FGF8: variants seen among roughly 807,000 people sequenced by gnomAD.
FGF8 encodes the protein fibroblast growth factor 8, also known as androgen-induced growth factor.
A neutral mutation model predicts 29.7 loss-of-function variants in FGF8; 12 were observed. The ratio of observed to expected loss-of-function variants is 0.40; its 90% CI spans 0.26 to 0.65. FGF8 has a LOEUF of 0.65. Among genes scored for constraint, FGF8 ranks in the 30% least tolerant of loss-of-function variants. The pLI, the probability that FGF8 is intolerant of heterozygous loss-of-function variation, is 0.37. For missense variants in FGF8, 271 were observed against 345.1 expected, an observed-to-expected ratio of 0.79 and a Z score of 1.70; for synonymous variants, 157 against 144.4, an observed-to-expected ratio of 1.09 and a Z score of -0.63.
chr10:101,774,838 G>A lies in FGF8; in HGVS notation c.231C>T (p.Arg77=), dbSNP rs1253593362. The A allele has an allele frequency of 6.2e-7, 1 of 1,613,892 alleles. No homozygotes were observed. Among genetic ancestry groups the A allele is most frequent in the Non-Finnish European group, 8.5e-7 (1 of 1,180,036 alleles). The change falls in exon 4 of 6, where the codon CGC becomes CGT. Residue 77 remains arginine (R), a synonymous_variant. Coordinates refer to ENST00000320185, the MANE Select transcript of FGF8 (RefSeq NM_033163.5). ...AGAGTTGGTAGGTCCGGATGAGGCGGCGGCTGAGCTGATCCGTCACCAGGC... is the reference window on the plus strand; with the variant it reads ...AGAGTTGGTAGGTCCGGATGAGGCGACGGCTGAGCTGATCCGTCACCAGGC... ...EQSLVTDQLS[R]RLIRTYQLYS...
At position 101,772,377 on chromosome 10, in the gene FGF8, G is replaced by A. The variant is rs1246732813; in HGVS notation, c.338-808C>T. ...TGACCAAATAGCTTCTGTGGGTGAG[G>A]AGGAGGGAGAATCCTGCCTGCTGGC... On this transcript the variant is annotated intron_variant, in intron 4 of 5. Coordinates refer to ENST00000320185, the MANE Select transcript of FGF8 (RefSeq NM_033163.5). The surrounding 1 kb of genome is among the most constrained non-coding windows in gnomAD (Gnocchi z 4.4). 2.0e-5 allele frequency among the ~76,000 whole-genome samples: 3 copies of A among 152,218 alleles called. No individual in the cohort carries two copies. The highest frequency in any genetic ancestry group is 7.2e-5 in the African/African-American group (3 of 41,468).
In FGF8 at chr10:101,771,672, CA is replaced by C; in HGVS notation, c.338-104del. 4.6e-6 allele frequency: 4 copies of C among 873,608 alleles called. No individual in the cohort carries two copies. Among genetic ancestry groups the C allele is most frequent in the Non-Finnish European group, 7.6e-6 (4 of 527,530 alleles). The allele number at this position is 873,608 out of a possible 1,614,324, so 54.1% of individuals were successfully genotyped here. A position where few individuals can be genotyped will look rare whatever the true frequency, so the allele number is the denominator to read the frequency against. The stretch of plus-strand genomic sequence containing the variant: ...GCAACTGCTCCAAAGACCAGGAACC[CA>C]AAACATGGACTCCAGCTCCAGCCCA... On this transcript the variant is annotated intron_variant, in intron 4 of 5. Coordinates refer to ENST00000320185, the MANE Select transcript of FGF8 (RefSeq NM_033163.5). This position sits in a 1 kb window ranked among gnomAD's most constrained non-coding sequence, Gnocchi z 5.3.
In FGF8 at chr10:101,774,725, G is replaced by A. The variant is rs773498310; in HGVS notation, c.337+7C>T. On this transcript the variant is annotated splice_region_variant and intron_variant, in intron 4 of 5. Coordinates refer to ENST00000320185, the MANE Select transcript of FGF8 (RefSeq NM_033163.5). ...GCATCCCACAAGCTACCTTCAGCGC[G>A]CCTTACCGAAGGGGTCGCCGTCCTC... 16 of 1,601,766 alleles carry A rather than the reference G, an allele frequency of 1.0e-5. No individual in the cohort carries two copies. Among genetic ancestry groups the A allele is most frequent in the Middle Eastern group, 2.2e-4 (1 of 4,538 alleles).
chr10:101,771,249 T>C lies in FGF8; in HGVS notation c.444+214A>G, dbSNP rs2134991222. Among the ~76,000 whole-genome samples, 1 of 152,250 alleles carries C rather than the reference T, an allele frequency of 6.6e-6. No homozygotes were observed. Among genetic ancestry groups the C allele is most frequent in the Non-Finnish European group, 1.5e-5 (1 of 68,012 alleles). On this transcript the variant is annotated intron_variant, in intron 5 of 5. Transcript: ENST00000320185. This position sits in a 1 kb window ranked among gnomAD's most constrained non-coding sequence, Gnocchi z 5.3. ...CCACCCCCCAGCCCCTTCCCTAGCC[T>C]TCATTCTTCCTCCTTCGCCTTTTAT...
At chr10:101,777,466 C>G (rs117069412), upstream of FGF8, among the ~76,000 whole-genome samples, 129 of 152,352 alleles carry the variant, frequency 8.5e-4, 1 homozygote, top group East Asian at 0.024. Flanking sequence ...GGCCCTGCCT[C>G]CCTCCCTGCT....
upstream of FGF8, among the ~76,000 whole-genome samples, chr10:101,778,677 A>G (rs546454027): frequency 1.3e-5 from 2 of 152,266 alleles, no homozygotes; most frequent in South Asian, 4.1e-4. Flanking sequence ...CATCTCCCCA[A>G]AAGTCCGTTT....
chr10:101,775,929 C>G lies in FGF8; in HGVS notation c.-29G>C. On this transcript the variant is annotated 5_prime_UTR_variant, in exon 1 of 6. Transcript: ENST00000320185. This position sits in a 1 kb window ranked among gnomAD's most constrained non-coding sequence, Gnocchi z 4.6. ...GCGCGGCCCCGGGGCACCGAGAGCCCGGCGGGTCACGCCGTCCCGCGGGCC... is the reference window on the plus strand; with the variant it reads ...GCGCGGCCCCGGGGCACCGAGAGCCGGGCGGGTCACGCCGTCCCGCGGGCC... The G allele has an allele frequency of 2.5e-6, 3 of 1,207,944 alleles. No homozygotes were observed. Among genetic ancestry groups the G allele is most frequent in the Non-Finnish European group, 3.1e-6 (3 of 976,176 alleles). The allele number at this position is 1,207,944 out of a possible 1,614,324, so 74.8% of individuals were successfully genotyped here.
intron 4 of FGF8, among the ~76,000 whole-genome samples, chr10:101,774,268 T>C (rs1176892813): frequency 3.3e-5 from 5 of 152,178 alleles, no homozygotes; most frequent in African/African-American, 1.2e-4. Flanking sequence ...CCAAGCCCAG[T>C]TTCCACGTGT....
intron 4 of FGF8, among the ~76,000 whole-genome samples, chr10:101,773,354 G>A (rs1261069883): frequency 1.3e-5 from 2 of 152,224 alleles, no homozygotes; most frequent in South Asian, 4.1e-4. Flanking sequence ...CTTAGAAGCT[G>A]AGAAGGGCAG....
chr10:101,774,683 G>A lies in FGF8; in HGVS notation c.337+49C>T, dbSNP rs368840422. On this transcript the variant is annotated intron_variant, in intron 4 of 5. Coordinates refer to ENST00000320185, the MANE Select transcript of FGF8 (RefSeq NM_033163.5). ...GCCCCCGGCCAGTGCAGTTGGGACTGGTGGTCCAGGCGCCGCGCATCCCAC... is the reference window on the plus strand; with the variant it reads ...GCCCCCGGCCAGTGCAGTTGGGACTAGTGGTCCAGGCGCCGCGCATCCCAC... 3.3e-6 allele frequency: 5 copies of A among 1,527,118 alleles called. 1 individual carries two copies. The highest frequency in any genetic ancestry group is 1.4e-5 in the African/African-American group (1 of 73,526). The allele number at this position is 1,527,118 out of a possible 1,614,324, so 94.6% of individuals were successfully genotyped here.
Position 101,772,996 on chromosome 10 carries a change from G to A in FGF8, c.338-1427C>T, listed in dbSNP as rs1427738897. Among the ~76,000 whole-genome samples the A allele has an allele frequency of 1.3e-5, 2 of 152,178 alleles. No homozygotes were observed. Among genetic ancestry groups the A allele is most frequent in the South Asian group, 2.1e-4 (1 of 4,832 alleles). On this transcript the variant is annotated intron_variant, in intron 4 of 5. Coordinates refer to ENST00000320185, the MANE Select transcript of FGF8 (RefSeq NM_033163.5). The surrounding 1 kb of genome is among the most constrained non-coding windows in gnomAD (Gnocchi z 4.4). ...GCCACTCTGGGGATTCTGGCCAGATGCGGCAGGCAGGGATGAAGTAGGTGC... is the reference window on the plus strand; with the variant it reads ...GCCACTCTGGGGATTCTGGCCAGATACGGCAGGCAGGGATGAAGTAGGTGC...
chr10:101,771,697 C>A lies in FGF8; in HGVS notation c.338-128G>T. 1 of 746,576 alleles carries A rather than the reference C, an allele frequency of 1.3e-6. No homozygotes were observed. The highest frequency in any genetic ancestry group is 1.5e-5 in the South Asian group (1 of 68,478). The allele number at this position is 746,576 out of a possible 1,614,324, so 46.2% of individuals were successfully genotyped here. ...CAAAACATGGACTCCAGCTCCAGCCCAGCTACTAACATGCTGTGCAACCCA... is the reference window on the plus strand; with the variant it reads ...CAAAACATGGACTCCAGCTCCAGCCAAGCTACTAACATGCTGTGCAACCCA... On this transcript the variant is annotated intron_variant, in intron 4 of 5. Transcript: ENST00000320185. The surrounding 1 kb of genome is among the most constrained non-coding windows in gnomAD (Gnocchi z 5.3).
Position 101,770,338 on chromosome 10 carries a change from C to A in FGF8, c.726G>T (p.Glu242Asp). The change falls in exon 6 of 6, where the codon GAG becomes GAT. Residue 242 changes from glutamate to aspartate, a missense_variant. Around this residue, in one of 3 missense-constraint regions of FGF8, gnomAD observed 62 missense variants for 58.1 expected, o/e 1.07. Coordinates refer to ENST00000320185, the MANE Select transcript of FGF8 (RefSeq NM_033163.5). ...LRGSQRTWAP[E>D]PR ...GAGGGCCAGGCAGCACCTATCGGGG[C>A]TCGGGGGCCCAAGTCCTCTGGCTGC... The A allele has an allele frequency of 6.3e-7, 1 of 1,594,670 alleles. No homozygotes were observed. The highest frequency in any genetic ancestry group is 1.8e-5 in the Admixed American group (1 of 56,842).
chr10:101,779,220 C>G (rs1447129922), upstream of FGF8, among the ~76,000 whole-genome samples: 1 of 152,238 alleles, frequency 6.6e-6, no homozygotes, highest in Non-Finnish European at 1.5e-5. This position sits in a 1 kb window ranked among gnomAD's most constrained non-coding sequence, Gnocchi z 5.7. Context: ...GCGCTTCCTG[C>G]GCCGGGCGTT....
chr10:101,778,338 C>T (rs2065114407), upstream of FGF8, among the ~76,000 whole-genome samples: 1 of 152,190 alleles, frequency 6.6e-6, no homozygotes, highest in Non-Finnish European at 1.5e-5. Flanking sequence ...TTTGCATGGT[C>T]CTGGGGTCAC....
rs2735432 is a variant in FGF8 at position 101,775,964 on chromosome 10, G to T, written c.-64C>A. ...CGCCGTCCCGCGGGCCGCCGCGGGA[G>T]GACGCGCTGAGCAGGGCGCGAGCGG... On this transcript the variant is annotated 5_prime_UTR_variant, in exon 1 of 6. Transcript: ENST00000320185. This position sits in a 1 kb window ranked among gnomAD's most constrained non-coding sequence, Gnocchi z 4.6. The T allele has an allele frequency of 1.8e-6, 2 of 1,094,498 alleles. No homozygotes were observed. Among genetic ancestry groups the T allele is most frequent in the Non-Finnish European group, 2.3e-6 (2 of 886,816 alleles). The allele number at this position is 1,094,498 out of a possible 1,614,324, so 67.8% of individuals were successfully genotyped here.
upstream of FGF8, among the ~76,000 whole-genome samples, chr10:101,778,053 T>C (rs752538046): frequency 9.9e-5 from 15 of 152,244 alleles, no homozygotes; most frequent in Admixed American, 2.0e-4. Context: ...TCACAATTCA[T>C]TGAGTGTCTG....
intron 4 of FGF8, among the ~76,000 whole-genome samples, chr10:101,773,070 T>C (rs2065045240): frequency 6.6e-6 from 1 of 152,170 alleles, no homozygotes; most frequent in Non-Finnish European, 1.5e-5. Context: ...ACCTCTCTGC[T>C]ATTCTCCCCG....
Position 101,771,394 on chromosome 10 carries a change from T to C in FGF8, c.444+69A>G. The C allele has an allele frequency of 2.6e-6, 3 of 1,174,054 alleles. No individual in the cohort carries two copies. The highest frequency in any genetic ancestry group is 2.3e-5 in the East Asian group (1 of 42,912). 72.7% of individuals were successfully genotyped at this position (1,174,054 alleles called of 1,614,324 possible). ...TTGGGATCAGAGCCCAGGACTGTCTTGGAGGAGTCCAGCCAGCCCAAGCCA... is the reference window on the plus strand; with the variant it reads ...TTGGGATCAGAGCCCAGGACTGTCTCGGAGGAGTCCAGCCAGCCCAAGCCA... On this transcript the variant is annotated intron_variant, in intron 5 of 5. Transcript: ENST00000320185. This position sits in a 1 kb window ranked among gnomAD's most constrained non-coding sequence, Gnocchi z 5.3.
Sources: allele counts gnomAD v4.1 joint callset (sites outside exome capture counted in the v4.1 genomes callset), GRCh38; gene constraint gnomAD v4.1.1; regional missense constraint gnomAD v4.1.1; non-coding constraint Gnocchi (gnomAD v3.1); transcripts MANE v1.5; gene names NCBI Gene and HGNC (gene_info 2026-07-23, HGNC 2026-07-21).